Variants in DNAI7 observed in about 807,000 individuals in gnomAD.
DNAI7 encodes cancer susceptibility 1.
DNAI7 carries 78 observed loss-of-function variants against 86.6 expected under a neutral mutation model. The observed-to-expected ratio is 0.90, with a 90% confidence interval of 0.75 to 1.09. The LOEUF (loss-of-function observed/expected upper bound fraction) is 1.09. Among genes scored for constraint, DNAI7 ranks in the 50% least tolerant of loss-of-function variants. The probability of loss-of-function intolerance (pLI) is 0.00; values close to 1 mark genes in which losing one functional copy is unlikely to be tolerated. For synonymous variants in DNAI7, 274 were observed against 273.0 expected, an observed-to-expected ratio of 1.00 and a Z score of -0.04; for missense variants, 753 against 810.2, an observed-to-expected ratio of 0.93 and a Z score of 0.86.
intron 2 of DNAI7, among the ~76,000 whole-genome samples, chr12:25,178,450 C>T (rs7299998): frequency 0.7 from 106,823 of 151,898 alleles, 38,090 homozygotes; most frequent in African/African-American, 0.83. Flanking sequence ...TAATATTTAT[C>T]ATTTATGCCT....
At chr12:25,179,416 A>AT (rs974075939) in intron 2 of DNAI7, among the ~76,000 whole-genome samples, 21 of 152,196 alleles carry the variant, frequency 1.4e-4, no homozygotes, top group African/African-American at 4.6e-4. Context: ...ATCCTTACTG[A>AT]TTTTTTAAAC....
chr12:25,193,944 CCT>C lies in DNAI7; in HGVS notation c.3+1130_3+1131del, dbSNP rs535817823. Among the ~76,000 whole-genome samples the C allele has an allele frequency of 2.4e-3, 371 of 152,232 alleles. 2 individuals carry two copies. Among genetic ancestry groups the C allele is most frequent in the African/African-American group, 8.5e-3 (353 of 41,540 alleles). ...TCAAGCGATTCTCTTGCTTCAGCCC[CCT>C]GAGTAGCTGGAATTACAGGTGCGCG... On this transcript the variant is annotated intron_variant, in intron 1 of 15. Transcript: ENST00000395987.
intron 4 of DNAI7, among the ~76,000 whole-genome samples, chr12:25,156,595 G>C (rs1414024943): frequency 6.6e-6 from 1 of 152,078 alleles, no homozygotes; most frequent in Admixed American, 6.5e-5. Flanking sequence ...ACGAAAATTA[G>C]CCGGGCGCGG....
intron 2 of DNAI7, among the ~76,000 whole-genome samples, chr12:25,174,457 TC>T (rs1948615247): frequency 1.2e-5 from 1 of 82,740 alleles, no homozygotes; most frequent in Non-Finnish European, 2.3e-5. Flanking sequence ...GATATATATA[TC>T]ATATATATCA....
At chr12:25,117,647 G>A (rs7133919) in intron 12 of DNAI7, among the ~76,000 whole-genome samples, 104,008 of 152,024 alleles carry the variant, frequency 0.68, 39,627 homozygotes, top group East Asian at 0.99. Context: ...TCATTAGCTT[G>A]TATCACTGTA....
chr12:25,178,290 G>A (rs1034446721), intron 2 of DNAI7, among the ~76,000 whole-genome samples: 12 of 152,048 alleles, frequency 7.9e-5, no homozygotes, highest in African/African-American at 2.7e-4. Context: ...AATGATTATA[G>A]GACTATTCAG....
At position 25,154,410 on chromosome 12, in the gene DNAI7, G is replaced by T; in HGVS notation, c.347C>A (p.Ala116Asp). The change falls in exon 6 of 16, where the codon GCC becomes GAC. Residue 116 changes from alanine (A) to aspartate (D), a missense_variant. Ala to Asp is a moderately radical substitution (Grantham distance 126). Transcript: ENST00000395987. ...QCDGSPDPSV[A>D]QEMNTFISLW... The stretch of plus-strand genomic sequence containing the variant: ...ACTAATAAACGTGTTCATTTCTTGG[G>T]CTACTGAAGGATCAGGACTCCCATC... The T allele has an allele frequency of 6.2e-7, 1 of 1,610,640 alleles. No homozygotes were observed. Among genetic ancestry groups the T allele is most frequent in the Non-Finnish European group, 8.5e-7 (1 of 1,179,064 alleles).
chr12:25,170,235 A>C (rs1189734213), intron 2 of DNAI7, among the ~76,000 whole-genome samples: 1 of 151,944 alleles, frequency 6.6e-6, no homozygotes, highest in Non-Finnish European at 1.5e-5. Flanking sequence ...TACTAAAAAT[A>C]CAACAATTAC....
At chr12:25,169,945 A>G (rs1947946057) in intron 2 of DNAI7, among the ~76,000 whole-genome samples, 1 of 152,170 alleles carries the variant, frequency 6.6e-6, no homozygotes, top group Non-Finnish European at 1.5e-5. Context: ...CATCTAACAC[A>G]TAAGGACTCA....
intron 8 of DNAI7, among the ~76,000 whole-genome samples, chr12:25,146,470 G>A (rs1944846097): frequency 6.7e-6 from 1 of 149,380 alleles, no homozygotes; most frequent in Non-Finnish European, 1.5e-5. Flanking sequence ...GTGGTGGCGT[G>A]CACCTGTAAT....
chr12:25,154,482 T>TCA (rs773516662), intron 5 of DNAI7, 26 bp from the exon 6 acceptor site: 2 of 1,588,596 alleles, frequency 1.3e-6, no homozygotes. Context: ...GTTTAAAGGT[T>TCA]CACATTGATG....
At chr12:25,156,644 G>A (rs1946211186) in intron 4 of DNAI7, among the ~76,000 whole-genome samples, 1 of 151,984 alleles carries the variant, frequency 6.6e-6, no homozygotes, top group Non-Finnish European at 1.5e-5. Flanking sequence ...GGGAGGCTAA[G>A]GCAGGAGAAT....
intron 2 of DNAI7, among the ~76,000 whole-genome samples, chr12:25,162,549 G>T (rs1222057394): frequency 6.6e-6 from 1 of 152,128 alleles, no homozygotes; most frequent in Non-Finnish European, 1.5e-5. Flanking sequence ...TAGAAAGAGT[G>T]GTTAATTCTT....
At chr12:25,113,240 G>C (rs1030160602) in intron 13 of DNAI7, among the ~76,000 whole-genome samples, 2 of 151,914 alleles carry the variant, frequency 1.3e-5, no homozygotes, top group Non-Finnish European at 2.9e-5. Flanking sequence ...ATAATTCTAC[G>C]GCACTCCATC....
chr12:25,179,614 AG>A (rs1949307863), intron 2 of DNAI7, among the ~76,000 whole-genome samples: 1 of 152,152 alleles, frequency 6.6e-6, no homozygotes, highest in African/African-American at 2.4e-5. Context: ...TCATCATGCA[AG>A]GATGGTTCAA....
In DNAI7 at chr12:25,118,377, C is replaced by T. The variant is rs190745354; in HGVS notation, c.1396+768G>A. On this transcript the variant is annotated intron_variant, in intron 12 of 15. Transcript: ENST00000395987. ...CTCCTGGGATCAAGCTATTCTCCTG[C>T]CTCAGCCTGCGGAGTAGCTGGGATT... 1.6e-3 allele frequency among the ~76,000 whole-genome samples: 219 copies of T among 135,046 alleles called. 1 individual carries two copies. Among genetic ancestry groups the T allele is most frequent in the African/African-American group, 5.2e-3 (207 of 40,112 alleles). 88.6% of individuals were successfully genotyped at this position (135,046 alleles called of 152,430 possible). A position where few individuals can be genotyped will look rare whatever the true frequency, so the allele number is the denominator to read the frequency against.
chr12:25,157,196 T>C (rs1946277929), intron 4 of DNAI7, among the ~76,000 whole-genome samples: 1 of 147,120 alleles, frequency 6.8e-6, no homozygotes, highest in African/African-American at 2.5e-5. Flanking sequence ...GAGAATGGCG[T>C]GAACCCGGGA....
chr12:25,152,510 C>G (rs117259273), intron 6 of DNAI7, among the ~76,000 whole-genome samples: 1 of 152,236 alleles, frequency 6.6e-6, no homozygotes, highest in Non-Finnish European at 1.5e-5. Context: ...CTCCTCCCTA[C>G]GGACCTCACC....
chr12:25,112,961 C>T (rs1939257437), intron 13 of DNAI7, among the ~76,000 whole-genome samples: 1 of 152,148 alleles, frequency 6.6e-6, no homozygotes, highest in African/African-American at 2.4e-5. Context: ...GCACACTGAA[C>T]AGTCTTGGGT....
Sources: gnomAD v4.1 joint callset for allele counts (sites outside exome capture counted in the v4.1 genomes callset) on GRCh38, gnomAD v4.1.1 for gene constraint, MANE v1.5 for transcripts, NCBI Gene and HGNC (gene_info 2026-07-23, HGNC 2026-07-21) for gene names.